HRH4: variants seen among roughly 807,000 people sequenced by gnomAD.
The protein encoded by HRH4 is histamine H4 receptor.
Under a neutral mutation model 10.4 loss-of-function variants are expected in HRH4, and 12 were observed. The observed-to-expected ratio is 1.15, with a 90% CI of 0.74 to 1.87. The LOEUF is 1.87. Among genes scored for constraint, HRH4 ranks in the 40% most tolerant of loss-of-function variants. The pLI, the probability that HRH4 is intolerant of heterozygous loss-of-function variation, is 0.00. For missense variants in HRH4, 415 were observed against 453.3 expected (o/e 0.92, Z 0.77); for synonymous variants, 154 against 166.6 (o/e 0.92, Z 0.58).
chr18:24,475,286 C>T (rs1046616999), intron 2 of HRH4, among the ~76,000 whole-genome samples: 3 of 142,316 alleles, frequency 2.1e-5, no homozygotes, highest in Non-Finnish European at 4.5e-5. Flanking sequence ...GGCTGGTTGT[C>T]ACAGCTTTGA....
intron 1 of HRH4, among the ~76,000 whole-genome samples, chr18:24,466,830 C>T (rs889310004): frequency 6.6e-6 from 1 of 152,224 alleles, no homozygotes; most frequent in Non-Finnish European, 1.5e-5. Flanking sequence ...TCAGCTTCCA[C>T]TTAATAGATC....
chr18:24,472,595 T>C (rs643552), intron 2 of HRH4, among the ~76,000 whole-genome samples: 35,484 of 152,012 alleles, frequency 0.23, 4,361 homozygotes, highest in Middle Eastern at 0.33. Flanking sequence ...GACACTGGGA[T>C]CCCATAGGAA....
intron 1 of HRH4, among the ~76,000 whole-genome samples, chr18:24,464,274 G>T (rs553586508): frequency 2.0e-5 from 3 of 152,302 alleles, no homozygotes; most frequent in African/African-American, 7.2e-5. Flanking sequence ...TTTCTGGCTT[G>T]CAGACGGCTG....
chr18:24,466,339 T>G (rs1285327295), intron 1 of HRH4, among the ~76,000 whole-genome samples: 5 of 149,140 alleles, frequency 3.4e-5, no homozygotes, highest in Non-Finnish European at 7.4e-5. Flanking sequence ...CCCAGGCTGG[T>G]CTCCAACTCC....
At chr18:24,466,891 A>C (rs2144369753) in intron 1 of HRH4, among the ~76,000 whole-genome samples, 1 of 152,302 alleles carries the variant, frequency 6.6e-6, no homozygotes, top group South Asian at 2.1e-4. Flanking sequence ...GCAATTACAA[A>C]CCCCTAAAAG....
At position 24,468,940 on chromosome 18, in the gene HRH4, G is replaced by A. The variant is rs1909859204; in HGVS notation, c.346G>A (p.Val116Ile). The change falls in exon 2 of 3, where the codon GTC becomes ATC. Residue 116 changes from valine to isoleucine, a missense_variant. Physicochemically the swap from Val to Ile is conservative, Grantham distance 29. Coordinates refer to ENST00000256906, the MANE Select transcript of HRH4 (RefSeq NM_021624.4). ...VLISYDRYLS[V>I]SNAVSYRTQH... ...CATCAGCTATGATCGATACCTGTCA[G>A]TCTCAAATGCTGTAAGTCGAAACAT... is the stretch of plus-strand genomic sequence containing the variant. The A allele has an allele frequency of 1.2e-6, 2 of 1,602,818 alleles. No homozygotes were observed. The highest frequency in any genetic ancestry group is 2.7e-5 in the African/African-American group (2 of 74,554).
At chr18:24,465,686 TCAA>T (rs1909754610) in intron 1 of HRH4, among the ~76,000 whole-genome samples, 1 of 152,094 alleles carries the variant, frequency 6.6e-6, no homozygotes, top group African/African-American at 2.4e-5. Context: ...TCTCTGTTGC[TCAA>T]CAAGACAGAG....
intron 1 of HRH4, among the ~76,000 whole-genome samples, chr18:24,466,833 AATAG>A (rs1418343158): frequency 6.6e-6 from 1 of 152,234 alleles, no homozygotes; most frequent in African/African-American, 2.4e-5. Flanking sequence ...GCTTCCACTT[AATAG>A]ATCATATTCT....
chr18:24,471,537 G>A (rs1194824323), intron 2 of HRH4, among the ~76,000 whole-genome samples: 2 of 149,094 alleles, frequency 1.3e-5, no homozygotes, highest in East Asian at 2.0e-4. Context: ...AACCCGGGAG[G>A]CGGAGGTTGC....
intron 1 of HRH4, among the ~76,000 whole-genome samples, chr18:24,467,360 C>T (rs1382266315): frequency 6.6e-6 from 1 of 151,974 alleles, no homozygotes; most frequent in East Asian, 1.9e-4. Context: ...AAAAAGATGA[C>T]TATGATATAA....
intron 2 of HRH4, among the ~76,000 whole-genome samples, chr18:24,472,881 G>A (rs140306021): frequency 9.9e-5 from 15 of 152,226 alleles, no homozygotes; most frequent in Middle Eastern, 3.4e-3. Context: ...AGGGTTTGGC[G>A]CGGTGGCTCA....
chr18:24,473,858 A>T (rs1599779637), intron 2 of HRH4, among the ~76,000 whole-genome samples: 1 of 152,242 alleles, frequency 6.6e-6, no homozygotes, highest in Non-Finnish European at 1.5e-5. Flanking sequence ...TGGATATTTT[A>T]TTGGGGCGGG....
chr18:24,472,727 G>A (rs1910005830), intron 2 of HRH4, among the ~76,000 whole-genome samples: 1 of 152,202 alleles, frequency 6.6e-6, no homozygotes, highest in African/African-American at 2.4e-5. Context: ...GAAAAGCCCA[G>A]TGCAGGTGGA....
Position 24,460,739 on chromosome 18 carries a change from C to A in HRH4, c.11C>A (p.Thr4Asn). Residue 4 changes from threonine to asparagine, a missense_variant, in exon 1 of 3, where the codon ACT becomes AAT. Physicochemically the swap from Thr to Asn is moderately conservative, Grantham distance 65. Transcript: ENST00000256906. ...TCATCATTTGATGTGATGCCAGATA[C>A]TAATAGCACAATCAATTTATCACTA... The part of the protein sequence containing the change: MPD[T>N]NSTINLSLST... 6.6e-7 allele frequency: 1 copy of A among 1,523,544 alleles called. No homozygotes were observed. The highest frequency in any genetic ancestry group is 8.9e-7 in the Non-Finnish European group (1 of 1,121,934). 94.4% of individuals were successfully genotyped at this position (1,523,544 alleles called of 1,614,324 possible). A position where few individuals can be genotyped will look rare whatever the true frequency, so the allele number is the denominator to read the frequency against.
chr18:24,477,067 C>T lies in HRH4; in HGVS notation c.678C>T (p.His226=), dbSNP rs1283439601. ...CTGTCTCTTCCAACATCTGTGGACA[C>T]TCATTCAGAGGTAGACTATCTTCAA... The part of the protein sequence containing the change: ...LTAVSSNICG[H]SFRGRLSSRR... The change falls in exon 3 of 3, where the codon CAC becomes CAT. Residue 226 remains histidine (H), a synonymous_variant. Transcript: ENST00000256906. The T allele has an allele frequency of 5.0e-6, 8 of 1,614,222 alleles. No individual in the cohort carries two copies. Among genetic ancestry groups the T allele is most frequent in the Non-Finnish European group, 6.8e-6 (8 of 1,180,028 alleles).
rs761824348 is a variant in HRH4 at position 24,477,109 on chromosome 18, A to G, written c.720A>G (p.Ala240=). The G allele has an allele frequency of 6.2e-7, 1 of 1,614,240 alleles. No individual in the cohort carries two copies. The highest frequency in any genetic ancestry group is 8.5e-7 in the Non-Finnish European group (1 of 1,180,026). The change falls in exon 3 of 3, where the codon GCA becomes GCG. Residue 240 remains alanine, a synonymous_variant. Transcript: ENST00000256906. ...TATCTTCAAGGAGATCTCTTTCTGC[A>G]TCGACAGAAGTTCCTGCATCCTTTC... ...GRLSSRRSLS[A]STEVPASFHS...
intron 2 of HRH4, 78 bp downstream of exon 2, chr18:24,469,029 T>A (rs1377850858): frequency 2.3e-5 from 26 of 1,146,350 alleles, no homozygotes; most frequent in Non-Finnish European, 3.1e-5. Context: ...AAAATTCTTT[T>A]AAGCCTAATT....
intron 2 of HRH4, among the ~76,000 whole-genome samples, chr18:24,471,873 A>G (rs921871541): frequency 6.6e-6 from 1 of 151,994 alleles, no homozygotes; most frequent in African/African-American, 2.4e-5. Context: ...TCTCCACTGG[A>G]TGTTCCTAGG....
chr18:24,467,137 G>C (rs1050432517), intron 1 of HRH4, among the ~76,000 whole-genome samples: 2 of 152,176 alleles, frequency 1.3e-5, no homozygotes, highest in Non-Finnish European at 2.9e-5. Context: ...TGTTAACTCA[G>C]CATGGTCCCT....
Sources: allele counts gnomAD v4.1 joint callset (sites outside exome capture counted in the v4.1 genomes callset), GRCh38; gene constraint gnomAD v4.1.1; transcripts MANE v1.5; gene names NCBI Gene and HGNC (gene_info 2026-07-23, HGNC 2026-07-21).